The following CSNK1E variants were observed in gnomAD, a reference collection of about 807,000 sequenced individuals.
The protein encoded by CSNK1E is casein kinase 1 epsilon, also known as casein kinase I isoform epsilon.
A neutral mutation model predicts 46.1 loss-of-function variants in CSNK1E; 17 were observed. That is an observed-to-expected ratio of 0.37 (90% confidence interval 0.25 to 0.55). The LOEUF (loss-of-function observed/expected upper bound fraction) is 0.55. Among genes scored for constraint, CSNK1E ranks in the 20% least tolerant of loss-of-function variants. The pLI is 0.82. For missense variants in CSNK1E, 386 were observed against 595.4 expected (o/e 0.65, Z 3.66); for synonymous variants, 241 against 242.6 (o/e 0.99, Z 0.06).
chr22:38,293,085 A>G, intron 10 of CSNK1E, 170 bp downstream of exon 10: 1 of 624,958 alleles, frequency 1.6e-6, no homozygotes, highest in East Asian at 2.7e-5. Flanking sequence ...CAAGTCAGGC[A>G]GCCTCCGAGG....
At chr22:38,295,714 C>T (rs2092636866) in intron 7 of CSNK1E, among the ~76,000 whole-genome samples, 2 of 152,346 alleles carry the variant, frequency 1.3e-5, no homozygotes, top group Admixed American at 6.5e-5. Context: ...CCACCTAGTC[C>T]CACTCTGCTC....
chr22:38,304,580 A>C (rs777639813), intron 2 of CSNK1E, among the ~76,000 whole-genome samples: 2 of 152,170 alleles, frequency 1.3e-5, no homozygotes, highest in Admixed American at 6.5e-5. Context: ...TCAGCAGCAG[A>C]AGAACAGGAA....
intron 2 of CSNK1E, among the ~76,000 whole-genome samples, chr22:38,307,193 T>TA (rs2145844839): frequency 1.3e-5 from 2 of 151,628 alleles, no homozygotes; most frequent in South Asian, 4.2e-4. Flanking sequence ...GTAAATAATA[T>TA]AAAAATTAAA....
rs186150506 is a variant in CSNK1E, at chr22:38,309,521, C to T, written c.76+4561G>A. Among the ~76,000 whole-genome samples the T allele has an allele frequency of 2.1e-4, 32 of 152,058 alleles. No individual in the cohort carries two copies. The highest frequency in any genetic ancestry group is 7.9e-4 in the Admixed American group (12 of 15,280). On this transcript the variant is annotated intron_variant, in intron 2 of 10. Coordinates refer to ENST00000396832, the MANE Select transcript of CSNK1E (RefSeq NM_152221.3). The surrounding 1 kb of genome is among the most constrained non-coding windows in gnomAD (Gnocchi z 4.8). The stretch of plus-strand genomic sequence containing the variant: ...CTGGGCTGGAGTGCAGTGGCATGAT[C>T]TCGGCTCACTGCAACTTCTGCCTCC...
chr22:38,298,691 G>A lies in CSNK1E; in HGVS notation c.885+95C>T, dbSNP rs1347909860. The A allele has an allele frequency of 2.7e-5, 39 of 1,449,026 alleles. 1 individual carries two copies. Among genetic ancestry groups the A allele is most frequent in the Middle Eastern group, 2.2e-4 (1 of 4,446 alleles). 89.8% of individuals were successfully genotyped at this position (1,449,026 alleles called of 1,614,324 possible). ...GTCCAGCTCGTACCTCCCGTCTGTC[G>A]GGAGCCCCTCCCGCCACCAGCTCAC... On this transcript the variant is annotated intron_variant, in intron 7 of 10. Transcript: ENST00000396832. This position sits in a 1 kb window ranked among gnomAD's most constrained non-coding sequence, Gnocchi z 4.2.
In CSNK1E at chr22:38,293,331, G is replaced by T. The variant is rs1181660664; in HGVS notation, c.1219-12C>A. On this transcript the variant is annotated splice_polypyrimidine_tract_variant and intron_variant, in intron 9 of 10. Transcript: ENST00000396832. The stretch of plus-strand genomic sequence containing the variant: ...AATGGCACACTTGTCTTTTGAGGGT[G>T]GGGAGGGAGAGAGGGGGAGGGAGAG... 2 of 1,594,778 alleles carry T rather than the reference G, an allele frequency of 1.3e-6. No individual in the cohort carries two copies. The highest frequency in any genetic ancestry group is 2.2e-5 in the East Asian group (1 of 44,608).
At chr22:38,314,032 G>A in intron 2 of CSNK1E, 50 bp downstream of exon 2, 1 of 1,513,656 alleles carries the variant, frequency 6.6e-7, no homozygotes, top group Non-Finnish European at 9.2e-7. Flanking sequence ...TCCTCCTCTT[G>A]GTCCCATGGG....
At chr22:38,293,185 T>G in intron 10 of CSNK1E, 70 bp downstream of exon 10, 31 of 1,208,248 alleles carry the variant, frequency 2.6e-5, no homozygotes, top group Non-Finnish European at 3.3e-5. Context: ...AACACATTGG[T>G]CTCTTTCTGG....
intron 2 of CSNK1E, among the ~76,000 whole-genome samples, chr22:38,305,888 C>G (rs1405615399): frequency 6.6e-6 from 1 of 152,182 alleles, no homozygotes; most frequent in Non-Finnish European, 1.5e-5. Flanking sequence ...CCCTGACCAG[C>G]AACCCCGCTT....
rs77316284 is a variant in CSNK1E at position 38,290,846 on chromosome 22, T to C, written c.*1125A>G. 2.3e-4 allele frequency: 35 copies of C among 149,174 alleles called. No individual in the cohort carries two copies. The East Asian group carries it at 5.4e-3, about 23-fold the overall frequency. 9.2% of individuals were successfully genotyped at this position (149,174 alleles called of 1,614,324 possible). The stretch of plus-strand genomic sequence containing the variant: ...TTAAATTACAAAGTAATAAAAAGCT[T>C]TGCTCTTTAATTAAAAAAAAAAAGG... On this transcript the variant is annotated 3_prime_UTR_variant, in exon 11 of 11. Transcript: ENST00000396832.
Position 38,291,949 on chromosome 22 carries a change from G to T in CSNK1E, c.*33-11C>A. 7.1e-6 allele frequency: 1 copy of T among 140,888 alleles called. No individual in the cohort carries two copies. The highest frequency in any genetic ancestry group is 1.5e-5 in the Non-Finnish European group (1 of 65,856). The allele number at this position is 140,888 out of a possible 1,614,324, so 8.7% of individuals were successfully genotyped here. On this transcript the variant is annotated splice_polypyrimidine_tract_variant and intron_variant, in intron 10 of 10. Coordinates refer to ENST00000396832, the MANE Select transcript of CSNK1E (RefSeq NM_152221.3). ...AATACAGTGAAGACACTAGAAGGGAGAAGGGAAAAGACAGGTGAGGTACAC... is the reference window on the plus strand; with the variant it reads ...AATACAGTGAAGACACTAGAAGGGATAAGGGAAAAGACAGGTGAGGTACAC...
In CSNK1E at chr22:38,303,496, G is replaced by A. The variant is rs763157654; in HGVS notation, c.77-248C>T. The stretch of plus-strand genomic sequence containing the variant: ...GCTACCCAGGGCCACAGGTTGGGGC[G>A]ACAAGAAGGCCCGATGTGAGTGGGG... On this transcript the variant is annotated intron_variant, in intron 2 of 10. Coordinates refer to ENST00000396832, the MANE Select transcript of CSNK1E (RefSeq NM_152221.3). This position sits in a 1 kb window ranked among gnomAD's most constrained non-coding sequence, Gnocchi z 4.7. Among the ~76,000 whole-genome samples, 3 of 152,192 alleles carry A rather than the reference G, an allele frequency of 2.0e-5. No homozygotes were observed. The South Asian group carries it at 6.2e-4, about 31-fold the overall frequency.
Position 38,298,463 on chromosome 22 carries a change from G to C in CSNK1E, c.885+323C>G, listed in dbSNP as rs2092652940. 2 of 388,838 alleles carry C rather than the reference G, an allele frequency of 5.1e-6. No individual in the cohort carries two copies. Among genetic ancestry groups the C allele is most frequent in the Non-Finnish European group, 9.8e-6 (2 of 203,562 alleles). The allele number at this position is 388,838 out of a possible 1,614,324, so 24.1% of individuals were successfully genotyped here. A position where few individuals can be genotyped will look rare whatever the true frequency, so the allele number is the denominator to read the frequency against. ...GAACAGGAGCAGCAGGACGGTGTAG[G>C]CAGCAATCAGGGCAGCAGGGGGCGC... On this transcript the variant is annotated intron_variant, in intron 7 of 10. Transcript: ENST00000396832. This position sits in a 1 kb window ranked among gnomAD's most constrained non-coding sequence, Gnocchi z 4.2.
In CSNK1E at chr22:38,310,483, G is replaced by A. The variant is rs555256314; in HGVS notation, c.76+3599C>T. 3.9e-5 allele frequency among the ~76,000 whole-genome samples: 6 copies of A among 152,260 alleles called. No individual in the cohort carries two copies. In the East Asian group the frequency reaches 5.8e-4, roughly 15 times the overall value. On this transcript the variant is annotated intron_variant, in intron 2 of 10. Transcript: ENST00000396832. ...CCACCGTCCCGGCAGCAGCAGCGGC[G>A]GCAACCTCAGTTCCCACCCATCAGA...
chr22:38,304,724 A>G (rs949844675), intron 2 of CSNK1E, among the ~76,000 whole-genome samples: 3 of 152,242 alleles, frequency 2.0e-5, no homozygotes, highest in African/African-American at 7.2e-5. Flanking sequence ...TCTGTCACAG[A>G]TGCAAGGATG....
At position 38,297,657 on chromosome 22, in the gene CSNK1E, G is replaced by A. The variant is rs1042912855; in HGVS notation, c.885+1129C>T. ...GGTTCAACACAGAGGCCGCCAACGGGGTCTAGCTATGAGTCTGTCCTGGGA... is the reference window on the plus strand; with the variant it reads ...GGTTCAACACAGAGGCCGCCAACGGAGTCTAGCTATGAGTCTGTCCTGGGA... On this transcript the variant is annotated intron_variant, in intron 7 of 10. Transcript: ENST00000396832. The A allele has an allele frequency of 5.0e-6, 5 of 992,428 alleles. No homozygotes were observed. The African/African-American group carries it at 8.7e-5, about 17-fold the overall frequency. The allele number at this position is 992,428 out of a possible 1,614,324, so 61.5% of individuals were successfully genotyped here.
intron 2 of CSNK1E, among the ~76,000 whole-genome samples, chr22:38,307,076 CAGG>C (rs1408441200): frequency 6.6e-6 from 1 of 152,212 alleles, no homozygotes; most frequent in East Asian, 1.9e-4. Context: ...GAGGCTGAGG[CAGG>C]AGGACTGCTT....
intron 7 of CSNK1E, chr22:38,297,944 C>T (rs2092649588): frequency 2.7e-6 from 3 of 1,117,646 alleles, no homozygotes; most frequent in Non-Finnish European, 2.2e-6. Flanking sequence ...ACAGCTCCTC[C>T]ACCTCCTCCA....
In CSNK1E at chr22:38,303,876, A is replaced by C. The variant is rs1254246924; in HGVS notation, c.77-628T>G. 6.6e-6 allele frequency among the ~76,000 whole-genome samples: 1 copy of C among 152,180 alleles called. No individual in the cohort carries two copies. The highest frequency in any genetic ancestry group is 1.5e-5 in the Non-Finnish European group (1 of 68,028). ...ACCTGTAAATGGCGGCCTTGAGATC[A>C]ACCCCGGCTCTGCTGGCCTCCAGCA... On this transcript the variant is annotated intron_variant, in intron 2 of 10. Transcript: ENST00000396832. This position sits in a 1 kb window ranked among gnomAD's most constrained non-coding sequence, Gnocchi z 4.7.
Sources: gnomAD v4.1 joint callset for allele counts (sites outside exome capture counted in the v4.1 genomes callset) on GRCh38, gnomAD v4.1.1 for gene constraint, Gnocchi (gnomAD v3.1) non-coding constraint, MANE v1.5 for transcripts, NCBI Gene and HGNC (gene_info 2026-07-23, HGNC 2026-07-21) for gene names.